FGF12: variants seen among roughly 807,000 people sequenced by gnomAD.
FGF12 encodes fibroblast growth factor 12B.
Under a neutral mutation model 23.6 loss-of-function variants are expected in FGF12, and 14 were observed. That is an observed-to-expected ratio of 0.59 (90% CI 0.39 to 0.93). The LOEUF is 0.93. Ranked by LOEUF, FGF12 falls within the 40% of genes least tolerant of loss-of-function variation. The pLI is 0.00. For synonymous variants in FGF12, 62 were observed against 77.3 expected (o/e 0.80, Z 1.04); for missense variants, 175 against 217.8 (o/e 0.80, Z 1.24).
At chr3:192,653,740 A>G (rs1716297268) in intron 2 of FGF12, among the ~76,000 whole-genome samples, 2 of 139,662 alleles carry the variant, frequency 1.4e-5, no homozygotes, top group Non-Finnish European at 1.6e-5. Flanking sequence ...TTTGAGACGG[A>G]ATCATGCTCT....
chr3:192,167,782 T>A lies in FGF12; in HGVS notation c.427+2676A>T, dbSNP rs1329018036. On this transcript the variant is annotated intron_variant, in intron 5 of 5. Coordinates refer to ENST00000445105, the MANE Select transcript of FGF12 (RefSeq NM_004113.6). ...ATATATATATATAAAATTTTTTTTT[T>A]TTTTTTTTTTTGAGAAAGAATCTTG... Among the ~76,000 whole-genome samples, 54 of 117,554 alleles carry A rather than the reference T, an allele frequency of 4.6e-4. 6 individuals are homozygous for A. Among genetic ancestry groups the A allele is most frequent in the East Asian group, 2.5e-3 (10 of 3,996 alleles). 77.1% of individuals were successfully genotyped at this position (117,554 alleles called of 152,430 possible).
chr3:192,604,321 A>G (rs1187813526), intron 2 of FGF12, among the ~76,000 whole-genome samples: 1 of 152,230 alleles, frequency 6.6e-6, no homozygotes, highest in Admixed American at 6.5e-5. Flanking sequence ...TCCTCAGCTT[A>G]TGAAGATAAC....
chr3:192,212,770 T>C (rs1242841421), intron 4 of FGF12, among the ~76,000 whole-genome samples: 1 of 135,490 alleles, frequency 7.4e-6, no homozygotes, highest in Non-Finnish European at 1.6e-5. Flanking sequence ...CTTCTCAACA[T>C]TAAAATTCAC....
chr3:192,432,126 T>C (rs1321733184), intron 2 of FGF12, among the ~76,000 whole-genome samples: 16 of 152,206 alleles, frequency 1.1e-4, no homozygotes, highest in Admixed American at 1.0e-3. Context: ...CATCTTTCAA[T>C]GTTTACTGAC....
intron 2 of FGF12, among the ~76,000 whole-genome samples, chr3:192,368,100 C>T (rs1157930569): frequency 1.3e-5 from 2 of 152,054 alleles, no homozygotes; most frequent in African/African-American, 4.8e-5. Context: ...CCCCACCTCC[C>T]TCCCCTTCCA....
intron 2 of FGF12, among the ~76,000 whole-genome samples, chr3:192,682,214 C>T (rs779453308): frequency 1.3e-5 from 2 of 152,290 alleles, no homozygotes; most frequent in East Asian, 3.9e-4. Flanking sequence ...AGCCCTGGTA[C>T]AAGCAAGGTA....
In FGF12 at chr3:192,336,794, C is replaced by T; in HGVS notation, c.125-1330G>A. Among the ~76,000 whole-genome samples, 1 of 152,104 alleles carries T rather than the reference C, an allele frequency of 6.6e-6. No individual in the cohort carries two copies. Among genetic ancestry groups the T allele is most frequent in the South Asian group, 2.1e-4 (1 of 4,826 alleles). On this transcript the variant is annotated intron_variant, in intron 3 of 5. Coordinates refer to ENST00000445105, the MANE Select transcript of FGF12 (RefSeq NM_004113.6). The surrounding 1 kb of genome is among the most constrained non-coding windows in gnomAD (Gnocchi z 4.3). Reference sequence around the variant, plus strand: ...CCTACAATAGTAAGCTAAACACACACACATGCAGACACACACACTCACAGT... The same window carrying T: ...CCTACAATAGTAAGCTAAACACACATACATGCAGACACACACACTCACAGT...
intron 4 of FGF12, among the ~76,000 whole-genome samples, chr3:192,193,511 G>A (rs1716909076): frequency 6.6e-6 from 1 of 152,058 alleles, no homozygotes; most frequent in Admixed American, 6.6e-5. Context: ...TCCTTTATCA[G>A]CAGCCCTAAC....
intron 3 of FGF12, among the ~76,000 whole-genome samples, chr3:192,345,262 C>A (rs1253115067): frequency 1.3e-5 from 2 of 152,098 alleles, no homozygotes. Context: ...TAATATGTAT[C>A]CATCTTTACA....
At position 192,202,309 on chromosome 3, in the gene FGF12, A is replaced by T. The variant is rs951171726; in HGVS notation, c.229-31653T>A. Among the ~76,000 whole-genome samples, 7 of 152,198 alleles carry T rather than the reference A, an allele frequency of 4.6e-5. No individual in the cohort carries two copies. In the South Asian group the frequency reaches 6.2e-4, roughly 13 times the overall value. On this transcript the variant is annotated intron_variant, in intron 4 of 5. Transcript: ENST00000445105. ...AATGAAAGCATTAGAGGAAAGATCT[A>T]AACAGAGTTTTGATGTCAGGCTTTG...
intron 2 of FGF12, among the ~76,000 whole-genome samples, chr3:192,567,792 T>TCTTTCTTTCTTTC (rs1712400056): frequency 8.0e-6 from 1 of 125,646 alleles, no homozygotes; most frequent in Non-Finnish European, 1.8e-5. Flanking sequence ...TTTCTTTCTT[T>TCTTTCTTTCTTTC]CTTTCTTTCT....
At chr3:192,550,502 G>T (rs1725607029) in intron 2 of FGF12, among the ~76,000 whole-genome samples, 1 of 151,310 alleles carries the variant, frequency 6.6e-6, no homozygotes, top group African/African-American at 2.4e-5. Flanking sequence ...TGAGTTCCAT[G>T]AACCATGGTT....
At chr3:192,222,272 T>G (rs1344747848) in intron 4 of FGF12, among the ~76,000 whole-genome samples, 2 of 152,152 alleles carry the variant, frequency 1.3e-5, no homozygotes, top group African/African-American at 4.8e-5. Context: ...TACAGCATTC[T>G]TAACAGCCGA....
chr3:192,216,818 G>A (rs1718215370), intron 4 of FGF12, among the ~76,000 whole-genome samples: 1 of 152,188 alleles, frequency 6.6e-6, no homozygotes, highest in Admixed American at 6.5e-5. Flanking sequence ...TACAGAGAGT[G>A]TGGAGCAAAC....
At chr3:192,541,351 T>A (rs575307877) in intron 2 of FGF12, among the ~76,000 whole-genome samples, 12 of 152,322 alleles carry the variant, frequency 7.9e-5, no homozygotes, top group African/African-American at 2.2e-4. Context: ...TTATAACCCA[T>A]TATTTTAAAT....
chr3:192,216,932 G>C (rs962563210), intron 4 of FGF12, among the ~76,000 whole-genome samples: 18 of 152,186 alleles, frequency 1.2e-4, no homozygotes, highest in African/African-American at 4.1e-4. Flanking sequence ...GATGTGAGAA[G>C]ATGAATTAAT....
At chr3:192,155,753 T>G (rs1256042586) in intron 5 of FGF12, among the ~76,000 whole-genome samples, 1 of 152,206 alleles carries the variant, frequency 6.6e-6, no homozygotes, top group Non-Finnish European at 1.5e-5. Flanking sequence ...TATTAAGCAT[T>G]TAGGGGAAAC....
intron 2 of FGF12, among the ~76,000 whole-genome samples, chr3:192,383,195 C>G (rs1719899899): frequency 6.6e-6 from 1 of 152,162 alleles, no homozygotes; most frequent in Non-Finnish European, 1.5e-5. Flanking sequence ...GCATGGAAGA[C>G]AAAACCCAGA....
chr3:192,321,687 T>C (rs1716547081), intron 4 of FGF12, among the ~76,000 whole-genome samples: 1 of 152,104 alleles, frequency 6.6e-6, no homozygotes, highest in South Asian at 2.1e-4. Context: ...CAATGTGATA[T>C]GTCATATCAG....
Sources: gnomAD v4.1 joint callset for allele counts (sites outside exome capture counted in the v4.1 genomes callset) on GRCh38, gnomAD v4.1.1 for gene constraint, Gnocchi (gnomAD v3.1) non-coding constraint, MANE v1.5 for transcripts, NCBI Gene and HGNC (gene_info 2026-07-23, HGNC 2026-07-21) for gene names.